HHIPL1: variants seen among roughly 807,000 people sequenced by gnomAD.
HHIPL1 encodes HHIP like 1.
Under a neutral mutation model 61.8 loss-of-function variants are expected in HHIPL1, and 43 were observed. The ratio of observed to expected loss-of-function variants is 0.70; its 90% CI spans 0.55 to 0.90. The LOEUF (loss-of-function observed/expected upper bound fraction) is 0.90, where lower values mean the gene tolerates loss of function less well. Ranked by LOEUF, HHIPL1 falls within the 40% of genes least tolerant of loss-of-function variation. The pLI, the probability that HHIPL1 is intolerant of heterozygous loss-of-function variation, is 0.00. For missense variants in HHIPL1, 1,056 were observed against 1,157.7 expected (o/e 0.91, Z 1.28); for synonymous variants, 482 against 515.8 (o/e 0.93, Z 0.89).
the HHIPL1 span, among the ~76,000 whole-genome samples, chr14:99,627,536 A>C: frequency 6.6e-6 from 1 of 152,182 alleles, no homozygotes; most frequent in African/African-American, 2.4e-5. This position sits in a 1 kb window ranked among gnomAD's most constrained non-coding sequence, Gnocchi z 4.4. Flanking sequence ...CCAGGGATGA[A>C]TGAGGAGAGG....
the HHIPL1 span, among the ~76,000 whole-genome samples, chr14:99,633,620 G>A: frequency 6.6e-6 from 1 of 152,226 alleles, no homozygotes; most frequent in Non-Finnish European, 1.5e-5. Context: ...AGGCTTAGAT[G>A]AGACTGGGAA....
the HHIPL1 span, among the ~76,000 whole-genome samples, chr14:99,635,420 C>T: frequency 6.7e-6 from 1 of 149,652 alleles, no homozygotes; most frequent in Non-Finnish European, 1.5e-5. Context: ...GAATCAGATG[C>T]GGGGTGGGGG....
chr14:99,607,779 A>AG, the HHIPL1 span, among the ~76,000 whole-genome samples: 79,912 of 114,592 alleles, frequency 0.7, 24,419 homozygotes, highest in South Asian at 0.83. Flanking sequence ...ATTGAGTCTG[A>AG]GGCTTCATTT....
the HHIPL1 span, among the ~76,000 whole-genome samples, chr14:99,630,621 A>T: frequency 6.6e-6 from 1 of 152,150 alleles, no homozygotes; most frequent in African/African-American, 2.4e-5. Context: ...GACGGAGGGG[A>T]AGGGTCCACC....
At chr14:99,629,272 G>T in the HHIPL1 span, among the ~76,000 whole-genome samples, 1 of 152,132 alleles carries the variant, frequency 6.6e-6, no homozygotes, top group African/African-American at 2.4e-5. Flanking sequence ...GGACTATGCC[G>T]CTGAAAATCA....
the HHIPL1 span, among the ~76,000 whole-genome samples, chr14:99,638,315 G>A: frequency 6.6e-6 from 1 of 152,216 alleles, no homozygotes; most frequent in South Asian, 2.1e-4. Context: ...ACACCTTGGC[G>A]GTTCTTCTCA....
At chr14:99,648,320 T>TTGGA (rs887506957) in intron 1 of HHIPL1, among the ~76,000 whole-genome samples, 3 of 152,150 alleles carry the variant, frequency 2.0e-5, no homozygotes, top group African/African-American at 2.4e-5. Flanking sequence ...CTCTATGAGG[T>TTGGA]TGGAATTCCT....
At chr14:99,672,730 G>A (rs1330571348) in intron 8 of HHIPL1, among the ~76,000 whole-genome samples, 1 of 152,206 alleles carries the variant, frequency 6.6e-6, no homozygotes, top group East Asian at 1.9e-4. Flanking sequence ...TTGTTTGTGG[G>A]AGGGGCTGGC....
upstream of HHIPL1, among the ~76,000 whole-genome samples, chr14:99,642,507 G>A (rs923195509): frequency 7.3e-5 from 11 of 150,754 alleles, no homozygotes; most frequent in Non-Finnish European, 1.3e-4. Context: ...CATTGTTTTT[G>A]ACTTTTAATA....
chr14:99,629,479 G>T, the HHIPL1 span, among the ~76,000 whole-genome samples: 1 of 151,216 alleles, frequency 6.6e-6, no homozygotes, highest in Non-Finnish European at 1.5e-5. Context: ...GGAGGGACCC[G>T]TGTTCACTGA....
At chr14:99,646,005 C>T (rs1462396177) in intron 1 of HHIPL1, among the ~76,000 whole-genome samples, 3 of 152,258 alleles carry the variant, frequency 2.0e-5, no homozygotes, top group South Asian at 2.1e-4. Context: ...TTGCCACTTC[C>T]GCCACCACCT....
chr14:99,609,223 G>C, the HHIPL1 span, among the ~76,000 whole-genome samples: 6 of 152,188 alleles, frequency 3.9e-5, no homozygotes, highest in Non-Finnish European at 8.8e-5. Flanking sequence ...CTGTCTGGGT[G>C]GGTGACCCTA....
At chr14:99,609,190 T>C in the HHIPL1 span, among the ~76,000 whole-genome samples, 190 of 152,290 alleles carry the variant, frequency 1.2e-3, no homozygotes, top group African/African-American at 4.3e-3. Flanking sequence ...TGTCATTAGC[T>C]CAGTCTCCCT....
chr14:99,622,560 AT>A, the HHIPL1 span, among the ~76,000 whole-genome samples: 3 of 151,906 alleles, frequency 2.0e-5, no homozygotes, highest in African/African-American at 7.3e-5. Context: ...GCTTTATGAA[AT>A]TTTTTCCCAT....
chr14:99,615,810 C>A, the HHIPL1 span, among the ~76,000 whole-genome samples: 9 of 152,066 alleles, frequency 5.9e-5, no homozygotes, highest in East Asian at 1.7e-3. Flanking sequence ...AAGCAATCAG[C>A]GCAGATTTGA....
the HHIPL1 span, among the ~76,000 whole-genome samples, chr14:99,631,106 T>TTCTTTCTTTCTC: frequency 8.2e-4 from 100 of 121,518 alleles, 1 homozygote; most frequent in Middle Eastern, 4.3e-3. Flanking sequence ...CTTTCTTTCT[T>TTCTTTCTTTCTC]TCTCTCTCTT....
At chr14:99,670,905 CAAGT>C (rs2056320101) in intron 7 of HHIPL1, among the ~76,000 whole-genome samples, 1 of 152,126 alleles carries the variant, frequency 6.6e-6, no homozygotes, top group African/African-American at 2.4e-5. Flanking sequence ...CTACATATAC[CAAGT>C]GAGTGCCTAA....
chr14:99,675,046 AG>A lies in HHIPL1; in HGVS notation c.1814-41del. ...CACAGGGTGGGCAGCAGGGCTGGAC[AG>A]GGGCGCCTGGGTCCCTCTGACGGCA... On this transcript the variant is annotated intron_variant, in intron 8 of 8. Transcript: ENST00000330710. This position sits in a 1 kb window ranked among gnomAD's most constrained non-coding sequence, Gnocchi z 5.4. 3 of 1,066,728 alleles carry A rather than the reference AG, an allele frequency of 2.8e-6. No individual in the cohort carries two copies. The highest frequency in any genetic ancestry group is 6.1e-5 in the East Asian group (1 of 16,448). The allele number at this position is 1,066,728 out of a possible 1,614,324, so 66.1% of individuals were successfully genotyped here. A position where few individuals can be genotyped will look rare whatever the true frequency, so the allele number is the denominator to read the frequency against.
chr14:99,659,362 C>T, intron 3 of HHIPL1, 66 bp from the exon 4 acceptor site: 5 of 1,293,770 alleles, frequency 3.9e-6, no homozygotes, highest in Non-Finnish European at 5.0e-6. Context: ...AGCACCTGCC[C>T]CGCGGAGCCC....
Sources: allele counts gnomAD v4.1 joint callset (sites outside exome capture counted in the v4.1 genomes callset), GRCh38; gene constraint gnomAD v4.1.1; non-coding constraint Gnocchi (gnomAD v3.1); transcripts MANE v1.5; gene names NCBI Gene and HGNC (gene_info 2026-07-23, HGNC 2026-07-21).